Variants in PDPR observed in about 807,000 individuals in gnomAD.
The protein encoded by PDPR is pyruvate dehydrogenase phosphatase regulatory subunit.
PDPR carries 50 observed loss-of-function variants against 102.2 expected under a neutral mutation model. The observed-to-expected ratio is 0.49, with a 90% CI of 0.39 to 0.62. The LOEUF (loss-of-function observed/expected upper bound fraction) is 0.62, where lower values mean the gene tolerates loss of function less well. PDPR is among the 20% of genes least tolerant of loss of function. PDPR has a pLI of 0.00. For synonymous variants in PDPR, 259 were observed against 406.0 expected (o/e 0.64, Z 4.35); for missense variants, 625 against 1,098.2 (o/e 0.57, Z 6.09).
At chr16:70,129,695 T>G (rs1316532579) in intron 6 of PDPR, among the ~76,000 whole-genome samples, 1 of 152,262 alleles carries the variant, frequency 6.6e-6, no homozygotes, top group African/African-American at 2.4e-5. Context: ...CCACAGGACT[T>G]GAGAAGCTCA....
At chr16:70,115,365 T>G (rs2549293) in intron 2 of PDPR, among the ~76,000 whole-genome samples, 169 of 152,226 alleles carry the variant, frequency 1.1e-3, no homozygotes, top group African/African-American at 3.8e-3. Flanking sequence ...CTCGTGATTC[T>G]CCCGCCTCAG....
At chr16:70,156,287 T>G in intron 18 of PDPR, 188 bp from the exon 19 acceptor site, 1 of 673,982 alleles carries the variant, frequency 1.5e-6, no homozygotes, top group Non-Finnish European at 2.4e-6. Flanking sequence ...TACCGCGGCG[T>G]CTTTTATATT....
At chr16:70,151,345 C>T (rs930566059) in intron 17 of PDPR, among the ~76,000 whole-genome samples, 2 of 152,250 alleles carry the variant, frequency 1.3e-5, no homozygotes, top group Admixed American at 6.5e-5. Context: ...TTGGGATTAC[C>T]GGCGTGAGCC....
intron 9 of PDPR, among the ~76,000 whole-genome samples, chr16:70,133,267 G>T (rs377278710): frequency 6.6e-6 from 1 of 151,046 alleles, no homozygotes; most frequent in East Asian, 2.0e-4. Flanking sequence ...GATTACAAGC[G>T]CCTGCCACCA....
intron 9 of PDPR, among the ~76,000 whole-genome samples, chr16:70,135,942 G>C (rs1474552349): frequency 6.6e-6 from 1 of 152,212 alleles, no homozygotes; most frequent in Non-Finnish European, 1.5e-5. Context: ...GGTGGTGCAC[G>C]CCTGTAATCC....
intron 11 of PDPR, among the ~76,000 whole-genome samples, chr16:70,139,512 T>C (rs1170866295): frequency 1.3e-5 from 2 of 152,262 alleles, no homozygotes; most frequent in African/African-American, 4.8e-5. Flanking sequence ...CGTGAGTGAC[T>C]TTCACCATTA....
chr16:70,135,937 T>A (rs1965086757), intron 9 of PDPR, among the ~76,000 whole-genome samples: 1 of 152,198 alleles, frequency 6.6e-6, no homozygotes, highest in Non-Finnish European at 1.5e-5. Context: ...GGCATGGTGG[T>A]GCACGCCTGT....
At chr16:70,150,947 T>C (rs1241351959) in intron 17 of PDPR, among the ~76,000 whole-genome samples, 2 of 152,256 alleles carry the variant, frequency 1.3e-5, no homozygotes, top group African/African-American at 4.8e-5. Flanking sequence ...TTTATTTTTT[T>C]GTTTTTAGAC....
At chr16:70,145,430 C>T (rs1334907213) in intron 15 of PDPR, among the ~76,000 whole-genome samples, 2 of 152,250 alleles carry the variant, frequency 1.3e-5, no homozygotes, top group Non-Finnish European at 2.9e-5. Context: ...GCCACCACGC[C>T]CAGTCCCAGA....
At chr16:70,123,341 A>T (rs1361365638) in intron 3 of PDPR, among the ~76,000 whole-genome samples, 7 of 152,254 alleles carry the variant, frequency 4.6e-5, no homozygotes, top group Non-Finnish European at 1.0e-4. Flanking sequence ...GGCTCAAGTG[A>T]TCCTCCCACC....
At chr16:70,134,351 A>G (rs1964873909) in intron 9 of PDPR, among the ~76,000 whole-genome samples, 1 of 151,972 alleles carries the variant, frequency 6.6e-6, no homozygotes, top group East Asian at 2.0e-4. Context: ...TCAGCCTCCC[A>G]GGTAGCTGGA....
Position 70,158,376 on chromosome 16 carries a change from T to C in PDPR, c.*1497T>C, listed in dbSNP as rs1178383994. The stretch of plus-strand genomic sequence containing the variant: ...GGTATCTTGGAAGCATTAGCTCTGA[T>C]AGGTCTATAAGTGTATTAAGGGACA... On this transcript the variant is annotated 3_prime_UTR_variant, in exon 19 of 19. Coordinates refer to ENST00000288050, the MANE Select transcript of PDPR (RefSeq NM_017990.5). The C allele has an allele frequency of 6.6e-6, 1 of 152,548 alleles. No homozygotes were observed. The highest frequency in any genetic ancestry group is 1.5e-5 in the Non-Finnish European group (1 of 68,166). The allele number at this position is 152,548 out of a possible 1,614,324, so 9.4% of individuals were successfully genotyped here.
rs71151175 is a variant in PDPR, at chr16:70,150,531, A to ATTTTTTTTTTTTTTTTTT, written c.2052+1992_2052+1993insTTTTTTTTTTTTTTTTTT. ...ACTTGTAGTGATAGGTTTTCTCTTA[A>ATTTTTTTTTTTTTTTTTT]TTTTTTTTTTTTTTGTGAGACAGGG... is the stretch of plus-strand genomic sequence containing the variant. On this transcript the variant is annotated intron_variant, in intron 17 of 18. Transcript: ENST00000288050. Among the ~76,000 whole-genome samples, 21 of 138,294 alleles carry ATTTTTTTTTTTTTTTTTT rather than the reference A, an allele frequency of 1.5e-4. 2 individuals carry two copies. Among genetic ancestry groups the ATTTTTTTTTTTTTTTTTT allele is most frequent in the African/African-American group, 1.9e-4 (7 of 36,780 alleles). The allele number at this position is 138,294 out of a possible 152,430, so 90.7% of individuals were successfully genotyped here.
At chr16:70,120,119 G>A (rs1963078361) in intron 2 of PDPR, 1 of 205,994 alleles carries the variant, frequency 4.9e-6, no homozygotes, top group Non-Finnish European at 1.0e-5. Flanking sequence ...GTTTCACCAT[G>A]TTGGTAAGAC....
intron 18 of PDPR, among the ~76,000 whole-genome samples, chr16:70,155,288 T>C (rs898017389): frequency 6.6e-6 from 1 of 152,258 alleles, no homozygotes; most frequent in Non-Finnish European, 1.5e-5. Flanking sequence ...ACTATTTTTT[T>C]TTTCTTTCTT....
chr16:70,156,755 A>G lies in PDPR; in HGVS notation c.2516A>G (p.Glu839Gly), dbSNP rs752395918. The G allele has an allele frequency of 3.0e-5, 48 of 1,613,926 alleles. No individual in the cohort carries two copies. The highest frequency in any genetic ancestry group is 3.4e-5 in the Non-Finnish European group (40 of 1,179,900). Residue 839 changes from glutamate to glycine, a missense_variant, in exon 19 of 19, where the codon GAG (glutamate) becomes GGG (glycine). Physicochemically the swap from Glu to Gly is moderately conservative, Grantham distance 98. Coordinates refer to ENST00000288050, the MANE Select transcript of PDPR (RefSeq NM_017990.5). ...ACAGCAGATTTCATCAACCGGGGAG[A>G]GTATGAGATTGACATCGCGGGATAC... The part of the protein sequence containing the change: ...VVTADFINRG[E>G]YEIDIAGYRF...
intron 3 of PDPR, among the ~76,000 whole-genome samples, chr16:70,125,575 G>GTATATATATATATATATATA (rs60529473): frequency 7.3e-6 from 1 of 136,102 alleles, no homozygotes; most frequent in African/African-American, 2.7e-5. Flanking sequence ...AAAAAAAAAA[G>GTATATATATATATATATATA]TATATATATA....
At chr16:70,146,430 C>G (rs1461387076) in intron 16 of PDPR, among the ~76,000 whole-genome samples, 50 of 147,830 alleles carry the variant, frequency 3.4e-4, no homozygotes, top group African/African-American at 9.8e-4. Context: ...ACCAGCCTGG[C>G]CAACATGGTG....
intron 9 of PDPR, among the ~76,000 whole-genome samples, chr16:70,134,862 A>G (rs1397482457): frequency 1.1e-4 from 17 of 152,230 alleles, no homozygotes; most frequent in Non-Finnish European, 4.4e-5. Flanking sequence ...TCTAATGAAG[A>G]ATTTCCCTCT....
Sources: allele counts gnomAD v4.1 joint callset (sites outside exome capture counted in the v4.1 genomes callset), GRCh38; gene constraint gnomAD v4.1.1; transcripts MANE v1.5; gene names NCBI Gene and HGNC (gene_info 2026-07-23, HGNC 2026-07-21).